FAM186A: variants seen among roughly 807,000 people sequenced by gnomAD.
The protein encoded by FAM186A is family with sequence similarity 186 member A, also known as protein FAM186A.
FAM186A carries 163 observed loss-of-function variants against 216.8 expected under a neutral mutation model. The ratio of observed to expected loss-of-function variants is 0.75; its 90% CI spans 0.66 to 0.86. The LOEUF (loss-of-function observed/expected upper bound fraction) is 0.86, where lower values mean the gene tolerates loss of function less well. Ranked by LOEUF, FAM186A falls within the 40% of genes least tolerant of loss-of-function variation. The pLI is 0.00. For synonymous variants in FAM186A, 805 were observed against 1,025.3 expected, an observed-to-expected ratio of 0.79 and a Z score of 4.10; for missense variants, 2,184 against 2,746.2, an observed-to-expected ratio of 0.80 and a Z score of 4.58.
chr12:50,356,940 A>G (rs900485906), intron 3 of FAM186A, among the ~76,000 whole-genome samples: 6 of 151,952 alleles, frequency 3.9e-5, no homozygotes, highest in African/African-American at 1.4e-4. Context: ...CGGAGGTTGC[A>G]GTGAGCCGAG....
intron 1 of FAM186A, among the ~76,000 whole-genome samples, chr12:50,372,304 A>G (rs1205393740): frequency 1.3e-5 from 2 of 152,026 alleles, no homozygotes; most frequent in Non-Finnish European, 2.9e-5. Context: ...GTGGTTAAGA[A>G]ATAAATACGC....
At position 50,350,434 on chromosome 12, in the gene FAM186A, T is replaced by G; in HGVS notation, c.6398A>C (p.His2133Pro). 1 of 1,551,618 alleles carries G rather than the reference T, an allele frequency of 6.4e-7. No individual in the cohort carries two copies. The highest frequency in any genetic ancestry group is 8.7e-7 in the Non-Finnish European group (1 of 1,146,984). The change falls in exon 4 of 8, where the codon CAC (histidine) becomes CCC (proline). Residue 2133 changes from histidine to proline, a missense_variant. Around this residue, in one of 7 missense-constraint regions of FAM186A, gnomAD observed 721 missense variants for 816.4 expected, o/e 0.88. Coordinates refer to ENST00000327337, the MANE Select transcript of FAM186A (RefSeq NM_001145475.3). ...AATTATGAGAGTCCTAGCCATTGTGTGTAGCTGTGAAGGGAGTCCACAAGT... is the reference window on the plus strand; with the variant it reads ...AATTATGAGAGTCCTAGCCATTGTGGGTAGCTGTGAAGGGAGTCCACAAGT... ...IKTCGLPSQLHTMARTLIIEI... is the reference protein window; with the variant it reads ...IKTCGLPSQLPTMARTLIIEI...
rs80144666 is a variant in FAM186A, at chr12:50,330,667, A to T, written c.6940T>A (p.Trp2314Arg). The T allele has an allele frequency of 2.1e-3, 3,310 of 1,550,734 alleles. 71 individuals carry two copies. The African/African-American group carries it at 0.041, about 19-fold the overall frequency. The part of the protein sequence containing the change: ...IAEKTSMHSL[W>R]AQLGGYPDIP... Reference sequence around the variant, plus strand: ...TCTGGGTACCCACCCAGCTGGGCCCAGAGTGAATGCATAGATGTCTTCTCT... The same window carrying T: ...TCTGGGTACCCACCCAGCTGGGCCCTGAGTGAATGCATAGATGTCTTCTCT... Residue 2314 changes from tryptophan to arginine, a missense_variant, in exon 7 of 8, where the codon TGG becomes AGG. Coordinates refer to ENST00000327337, the MANE Select transcript of FAM186A (RefSeq NM_001145475.3).
At chr12:50,337,623 C>T (rs927255976) in intron 4 of FAM186A, among the ~76,000 whole-genome samples, 9 of 151,026 alleles carry the variant, frequency 6.0e-5, no homozygotes, top group Non-Finnish European at 1.0e-4. Context: ...GAAGGCCGGG[C>T]GCGGCGGCTC....
At chr12:50,360,983 A>G in intron 2 of FAM186A, 57 bp from the exon 3 acceptor site, 1 of 1,331,834 alleles carries the variant, frequency 7.5e-7, no homozygotes, top group Non-Finnish European at 1.0e-6. Context: ...AACTATAGCT[A>G]CATAGGCTTA....
intron 1 of FAM186A, among the ~76,000 whole-genome samples, chr12:50,384,873 T>G (rs992847325): frequency 3.9e-5 from 6 of 152,036 alleles, no homozygotes; most frequent in African/African-American, 1.4e-4. Context: ...TGGCGCGATC[T>G]TGGCTCACTG....
chr12:50,356,552 C>A (rs1243228809), intron 3 of FAM186A, among the ~76,000 whole-genome samples: 1 of 152,176 alleles, frequency 6.6e-6, no homozygotes, highest in African/African-American at 2.4e-5. Context: ...ACAATCCACC[C>A]ACCTCAGCCT....
chr12:50,373,001 A>AGG (rs1943158787), intron 1 of FAM186A, among the ~76,000 whole-genome samples: 436 of 26,598 alleles, frequency 0.016, 19 homozygotes, highest in Non-Finnish European at 0.023. Flanking sequence ...GAAGGAATGA[A>AGG]AGAAAGAAAG....
At chr12:50,382,560 T>C (rs993373108) in intron 1 of FAM186A, among the ~76,000 whole-genome samples, 6 of 151,422 alleles carry the variant, frequency 4.0e-5, no homozygotes, top group Non-Finnish European at 7.4e-5. Flanking sequence ...ATTAGCCAGG[T>C]GTGGTGGCTC....
chr12:50,371,961 C>T (rs957998478), intron 1 of FAM186A, among the ~76,000 whole-genome samples: 7 of 151,942 alleles, frequency 4.6e-5, no homozygotes, highest in African/African-American at 1.4e-4. Context: ...TACAGGCATG[C>T]GCCACAATAC....
At chr12:50,343,044 A>G (rs984247411) in intron 4 of FAM186A, among the ~76,000 whole-genome samples, 3 of 151,660 alleles carry the variant, frequency 2.0e-5, no homozygotes, top group Non-Finnish European at 2.9e-5. Flanking sequence ...GAGCCTAGGA[A>G]TTCAAGACCA....
intron 4 of FAM186A, among the ~76,000 whole-genome samples, chr12:50,346,362 T>C (rs2138769088): frequency 6.6e-6 from 1 of 151,866 alleles, no homozygotes; most frequent in South Asian, 2.1e-4. Flanking sequence ...CACCCGAGTA[T>C]CTGGGATTAC....
At chr12:50,337,368 C>T (rs1393901943) in intron 4 of FAM186A, among the ~76,000 whole-genome samples, 2 of 141,618 alleles carry the variant, frequency 1.4e-5, no homozygotes, top group East Asian at 4.2e-4. Flanking sequence ...GATCTTGGCT[C>T]ACTGCAGCCT....
Position 50,394,732 on chromosome 12 carries a change from C to CTTTTTTTTTTTT in FAM186A, c.192+1549_192+1560dup, listed in dbSNP as rs71083561. 4.3e-3 allele frequency among the ~76,000 whole-genome samples: 127 copies of CTTTTTTTTTTTT among 29,408 alleles called. 37 individuals are homozygous for CTTTTTTTTTTTT. The highest frequency in any genetic ancestry group is 0.015 in the African/African-American group (95 of 6,444). 19.3% of individuals were successfully genotyped at this position (29,408 alleles called of 152,430 possible). A position where few individuals can be genotyped will look rare whatever the true frequency, so the allele number is the denominator to read the frequency against. ...TGAGCCACTGTGCCTGGCTAACACT[C>CTTTTTTTTTTTT]TTTTTTTTTTTTTTTTTTTTTTTTT... On this transcript the variant is annotated intron_variant, in intron 1 of 7. Transcript: ENST00000327337.
At chr12:50,357,425 C>A (rs1942988594) in intron 3 of FAM186A, among the ~76,000 whole-genome samples, 1 of 149,502 alleles carries the variant, frequency 6.7e-6, no homozygotes, top group Non-Finnish European at 1.5e-5. Context: ...CCACTTGAAC[C>A]TGGGAAGCGG....
In FAM186A at chr12:50,355,672, T is replaced by C; in HGVS notation, c.1160A>G (p.Asp387Gly). The C allele has an allele frequency of 6.4e-7, 1 of 1,550,922 alleles. No individual in the cohort carries two copies. The change falls in exon 4 of 8, where the codon GAT becomes GGT. Residue 387 changes from aspartate to glycine, a missense_variant. Around this residue, in one of 7 missense-constraint regions of FAM186A, gnomAD observed 1,132 missense variants for 1,263.4 expected, o/e 0.90. Transcript: ENST00000327337. ...ILDKELENIVDEVQRKETKDS... is the reference protein window; with the variant it reads ...ILDKELENIVGEVQRKETKDS... Reference sequence around the variant, plus strand: ...CTTGGTCTCTTTTCTTTGGACTTCATCTACAATATTTTCAAGTTCCTTGTC... The same window carrying C: ...CTTGGTCTCTTTTCTTTGGACTTCACCTACAATATTTTCAAGTTCCTTGTC...
intron 1 of FAM186A, among the ~76,000 whole-genome samples, chr12:50,388,420 C>T (rs920908784): frequency 1.3e-5 from 2 of 151,982 alleles, no homozygotes; most frequent in African/African-American, 4.8e-5. Flanking sequence ...GAGTTCGAGA[C>T]TAGCCTGGGC....
chr12:50,339,296 C>T (rs906777470), intron 4 of FAM186A, among the ~76,000 whole-genome samples: 4 of 152,204 alleles, frequency 2.6e-5, no homozygotes, highest in South Asian at 2.1e-4. Context: ...GGATTACAGG[C>T]GTGTACCACC....
Position 50,354,688 on chromosome 12 carries a change from T to C in FAM186A, c.2144A>G (p.Lys715Arg). The part of the protein sequence containing the change: ...RAEAEKLGII[K>R]AKMEEYFQKV... ...TTGGAAATATTCCTCCATTTTTGCC[T>C]TTATGATTCCTAATTTTTCAGCTTC... The change falls in exon 4 of 8, where the codon AAG becomes AGG. Residue 715 changes from lysine to arginine, a missense_variant. Physicochemically the swap from Lys to Arg is conservative, Grantham distance 26 (BLOSUM62 2). Coordinates refer to ENST00000327337, the MANE Select transcript of FAM186A (RefSeq NM_001145475.3). 1 of 1,549,114 alleles carries C rather than the reference T, an allele frequency of 6.5e-7. No homozygotes were observed. The highest frequency in any genetic ancestry group is 8.7e-7 in the Non-Finnish European group (1 of 1,146,552).
Sources: allele counts gnomAD v4.1 joint callset (sites outside exome capture counted in the v4.1 genomes callset), GRCh38; gene constraint gnomAD v4.1.1; regional missense constraint gnomAD v4.1.1; transcripts MANE v1.5; gene names NCBI Gene and HGNC (gene_info 2026-07-23, HGNC 2026-07-21).